The following UNC5C variants were observed in gnomAD, a reference collection of about 807,000 sequenced individuals.
UNC5C encodes the protein netrin receptor UNC5C.
UNC5C carries 47 observed loss-of-function variants against 99.8 expected under a neutral mutation model. The ratio of observed to expected loss-of-function variants is 0.47; its 90% CI spans 0.37 to 0.60. UNC5C has a LOEUF of 0.60. Ranked by LOEUF, UNC5C falls within the 20% of genes least tolerant of loss-of-function variation. UNC5C has a pLI of 0.00. For missense variants in UNC5C, 1,062 were observed against 1,165.9 expected, an observed-to-expected ratio of 0.91 and a Z score of 1.30; for synonymous variants, 487 against 452.2, an observed-to-expected ratio of 1.08 and a Z score of -0.98.
intron 1 of UNC5C, among the ~76,000 whole-genome samples, chr4:95,519,121 A>T (rs1033424848): frequency 6.6e-6 from 1 of 152,128 alleles, no homozygotes; most frequent in Non-Finnish European, 1.5e-5. Flanking sequence ...GCTTCAAGAC[A>T]TAGAGTATAG....
chr4:95,442,493 C>T (rs1746979042), intron 1 of UNC5C, among the ~76,000 whole-genome samples: 1 of 150,696 alleles, frequency 6.6e-6, no homozygotes, highest in Non-Finnish European at 1.5e-5. Context: ...CATGTGTGAC[C>T]CATCAAGCCC....
intron 3 of UNC5C, among the ~76,000 whole-genome samples, chr4:95,294,255 A>G (rs1326039829): frequency 1.3e-5 from 2 of 152,202 alleles, no homozygotes; most frequent in African/African-American, 4.8e-5. Flanking sequence ...AGTGTGCTGG[A>G]TACTATAGAC....
intron 1 of UNC5C, among the ~76,000 whole-genome samples, chr4:95,493,807 G>A (rs753942225): frequency 4.6e-5 from 7 of 151,126 alleles, no homozygotes; most frequent in Non-Finnish European, 7.4e-5. Context: ...AAAAGACAGC[G>A]GACTGATCAA....
chr4:95,267,837 A>G (rs1428858270), intron 4 of UNC5C, among the ~76,000 whole-genome samples: 3 of 152,166 alleles, frequency 2.0e-5, no homozygotes. Flanking sequence ...AGAATGCTCC[A>G]AAGTTCATAT....
At chr4:95,334,128 T>A (rs779787452) in intron 2 of UNC5C, among the ~76,000 whole-genome samples, 3 of 152,136 alleles carry the variant, frequency 2.0e-5, no homozygotes, top group East Asian at 3.9e-4. Flanking sequence ...ATAAAGAATA[T>A]GTCCTACATG....
At chr4:95,233,349 C>A (rs1738983188) in intron 7 of UNC5C, among the ~76,000 whole-genome samples, 2 of 152,120 alleles carry the variant, frequency 1.3e-5, no homozygotes, top group Admixed American at 6.5e-5. Context: ...GTGGCATGAA[C>A]CGTCTTCAGC....
intron 3 of UNC5C, among the ~76,000 whole-genome samples, chr4:95,285,075 A>G (rs1329784411): frequency 6.6e-6 from 1 of 152,224 alleles, no homozygotes; most frequent in Non-Finnish European, 1.5e-5. Flanking sequence ...ATTGCCTTGA[A>G]GAAGATAAGC....
At chr4:95,538,900 C>A (rs1722846895) in intron 1 of UNC5C, among the ~76,000 whole-genome samples, 1 of 152,112 alleles carries the variant, frequency 6.6e-6, no homozygotes, top group Non-Finnish European at 1.5e-5. Flanking sequence ...TTGACTTTAT[C>A]TTCATCCATT....
intron 1 of UNC5C, among the ~76,000 whole-genome samples, chr4:95,431,128 T>G (rs1277562449): frequency 6.6e-6 from 1 of 152,070 alleles, no homozygotes; most frequent in Non-Finnish European, 1.5e-5. Context: ...TCCAACTGCC[T>G]TTAGGTAACT....
chr4:95,203,103 A>G (rs1737748948), intron 11 of UNC5C, 139 bp from the exon 12 acceptor site: 1 of 678,410 alleles, frequency 1.5e-6, no homozygotes, highest in Admixed American at 2.8e-5. Context: ...TAATCTGTCT[A>G]CTTGAGTTCA....
At chr4:95,427,330 G>T (rs1746512849) in intron 1 of UNC5C, among the ~76,000 whole-genome samples, 1 of 152,172 alleles carries the variant, frequency 6.6e-6, no homozygotes, top group Non-Finnish European at 1.5e-5. Flanking sequence ...AGTTGCTAAA[G>T]CAGCAGCAGA....
At chr4:95,442,416 C>T (rs148656140) in intron 1 of UNC5C, among the ~76,000 whole-genome samples, 2,999 of 148,508 alleles carry the variant, frequency 0.02, 42 homozygotes, top group Non-Finnish European at 0.03. Flanking sequence ...CTATGTTGCC[C>T]AGGCTGGTCT....
intron 3 of UNC5C, among the ~76,000 whole-genome samples, chr4:95,285,033 T>C (rs1320309622): frequency 6.6e-6 from 1 of 152,204 alleles, no homozygotes; most frequent in Non-Finnish European, 1.5e-5. Context: ...AGCATCTCCC[T>C]GTGTTAGCTA....
At chr4:95,545,619 T>A (rs1723036712) in intron 1 of UNC5C, among the ~76,000 whole-genome samples, 1 of 152,176 alleles carries the variant, frequency 6.6e-6, no homozygotes, top group Non-Finnish European at 1.5e-5. Context: ...TTCAGTAATT[T>A]TTTGTCCTGA....
chr4:95,414,941 G>C (rs941981652), intron 1 of UNC5C, among the ~76,000 whole-genome samples: 2 of 152,034 alleles, frequency 1.3e-5, no homozygotes, highest in Non-Finnish European at 2.9e-5. Context: ...TTTACAAGTG[G>C]GAAATAAGAT....
At chr4:95,174,896 C>G (rs933882459) in intron 14 of UNC5C, among the ~76,000 whole-genome samples, 2 of 150,064 alleles carry the variant, frequency 1.3e-5, no homozygotes, top group African/African-American at 4.9e-5. Context: ...TTGTAGGTCA[C>G]TCAGGACTTG....
chr4:95,262,266 A>T (rs1308453223), intron 4 of UNC5C, among the ~76,000 whole-genome samples: 2 of 152,200 alleles, frequency 1.3e-5, no homozygotes, highest in Non-Finnish European at 2.9e-5. Flanking sequence ...CTAATATGTC[A>T]AATGATGGGT....
intron 1 of UNC5C, among the ~76,000 whole-genome samples, chr4:95,455,807 G>A (rs913013472): frequency 4.6e-5 from 7 of 151,904 alleles, no homozygotes; most frequent in Admixed American, 1.3e-4. Context: ...ATAACTTGAC[G>A]TTCTACATAA....
intron 2 of UNC5C, among the ~76,000 whole-genome samples, chr4:95,308,313 C>T (rs1742133288): frequency 6.6e-6 from 1 of 151,972 alleles, no homozygotes; most frequent in East Asian, 1.9e-4. Context: ...GAATAATAAA[C>T]TTTCCCAAAA....
Sources: gnomAD v4.1 joint callset for allele counts (sites outside exome capture counted in the v4.1 genomes callset) on GRCh38, gnomAD v4.1.1 for gene constraint, MANE v1.5 for transcripts, NCBI Gene and HGNC (gene_info 2026-07-23, HGNC 2026-07-21) for gene names.